Variants in CDC42BPA observed in about 807,000 individuals in gnomAD.
CDC42BPA encodes the protein CDC42 binding protein kinase alpha.
Under a neutral mutation model 223.5 loss-of-function variants are expected in CDC42BPA, and 80 were observed. The ratio of observed to expected loss-of-function variants is 0.36; its 90% confidence interval spans 0.30 to 0.43. CDC42BPA has a LOEUF of 0.43. Ranked by LOEUF, CDC42BPA falls within the 20% of genes least tolerant of loss-of-function variation. CDC42BPA has a pLI of 1.00. For missense variants in CDC42BPA, 1,743 were observed against 2,099.9 expected (o/e 0.83, Z 3.32); for synonymous variants, 694 against 718.6 (o/e 0.97, Z 0.55).
chr1:227,162,035 G>A (rs568528765), intron 5 of CDC42BPA, among the ~76,000 whole-genome samples: 5 of 152,196 alleles, frequency 3.3e-5, no homozygotes, highest in African/African-American at 1.2e-4. Flanking sequence ...ATTTTTAGAT[G>A]AGGAAAAAAT....
intron 1 of CDC42BPA, among the ~76,000 whole-genome samples, chr1:227,254,811 C>T (rs192115225): frequency 5.0e-4 from 76 of 152,314 alleles, no homozygotes; most frequent in Admixed American, 2.4e-3. Context: ...GATACTAATG[C>T]TTCACACAAA....
Position 227,029,233 on chromosome 1 carries a change from C to A in CDC42BPA, c.3856G>T (p.Asp1286Tyr). 1 of 1,574,248 alleles carries A rather than the reference C, an allele frequency of 6.4e-7. No homozygotes were observed. The highest frequency in any genetic ancestry group is 1.1e-5 in the South Asian group (1 of 88,522). The change falls in exon 30 of 37, where the codon GAC becomes TAC. Residue 1286 changes from aspartate (D) to tyrosine (Y), a missense_variant. Around this residue, in one of 6 missense-constraint regions of CDC42BPA, gnomAD observed 678 missense variants for 777.5 expected, o/e 0.87. Transcript: ENST00000366766. Reference protein sequence around the residue: ...VTKDEIIRVGDNKKIHQIELI... With the variant: ...VTKDEIIRVGYNKKIHQIELI... ...TCAATCTGATGAATCTTCTTATTGT[C>A]ACCAACTCTAATAATTTCTAAACAC... is the stretch of plus-strand genomic sequence containing the variant.
rs767250912 is a variant in CDC42BPA at position 227,069,861 on chromosome 1, A to ACAG, written c.2828-11_2828-9dup. On this transcript the variant is annotated splice_polypyrimidine_tract_variant and intron_variant, in intron 20 of 36. Transcript: ENST00000366766. ...AGTCTTGGTGCTCTATACCTAGAAG[A>ACAG]CAGCAGCAACTTTTTTTAAGGCTAC... 2 of 1,601,846 alleles carry ACAG rather than the reference A, an allele frequency of 1.2e-6. No homozygotes were observed. The highest frequency in any genetic ancestry group is 1.7e-6 in the Non-Finnish European group (2 of 1,170,584).
intron 1 of CDC42BPA, among the ~76,000 whole-genome samples, chr1:227,278,240 TA>T (rs1374213000): frequency 4.6e-5 from 7 of 152,242 alleles, no homozygotes; most frequent in Non-Finnish European, 1.0e-4. Flanking sequence ...TGAACACTTT[TA>T]AATTATAACT....
rs190806096 is a variant in CDC42BPA, at chr1:227,112,065, T to C, written c.2001+247A>G. The C allele has an allele frequency of 2.8e-5, 9 of 318,022 alleles. No individual in the cohort carries two copies. The East Asian group carries it at 3.2e-4, about 11-fold the overall frequency. 19.7% of individuals were successfully genotyped at this position (318,022 alleles called of 1,614,324 possible). A position where few individuals can be genotyped will look rare whatever the true frequency, so the allele number is the denominator to read the frequency against. ...ATTACCAGTACATCTTGTGTAGGTC[T>C]GCATAAACATTCTAACTCCCTCCTG... On this transcript the variant is annotated intron_variant, in intron 14 of 36. Transcript: ENST00000366766.
At chr1:227,208,235 T>G (rs1188995187) in intron 3 of CDC42BPA, among the ~76,000 whole-genome samples, 2 of 151,574 alleles carry the variant, frequency 1.3e-5, no homozygotes, top group African/African-American at 4.8e-5. Context: ...TAAATTTGTT[T>G]GAGTTCATTG....
chr1:227,159,085 A>G (rs1663360642), intron 6 of CDC42BPA, among the ~76,000 whole-genome samples: 2 of 152,216 alleles, frequency 1.3e-5, no homozygotes, highest in African/African-American at 2.4e-5. Flanking sequence ...CCAGTTTTAC[A>G]GTTCCTTACA....
At chr1:227,111,698 G>A (rs1686957935) in intron 14 of CDC42BPA, among the ~76,000 whole-genome samples, 2 of 152,050 alleles carry the variant, frequency 1.3e-5, no homozygotes, top group Non-Finnish European at 2.9e-5. Context: ...GGTCAGGCTG[G>A]TCTCGAACTC....
At chr1:227,023,859 G>T (rs1445950303) in intron 31 of CDC42BPA, among the ~76,000 whole-genome samples, 1 of 152,014 alleles carries the variant, frequency 6.6e-6, no homozygotes, top group Admixed American at 6.6e-5. Flanking sequence ...TTGGAGGCTG[G>T]GTATATACAT....
intron 2 of CDC42BPA, among the ~76,000 whole-genome samples, chr1:227,238,488 G>A (rs1263861655): frequency 6.6e-6 from 1 of 152,016 alleles, no homozygotes; most frequent in Admixed American, 6.6e-5. Context: ...TTTGCAAACT[G>A]TCTATGGCTA....
intron 10 of CDC42BPA, 144 bp downstream of exon 10, chr1:227,139,432 C>T (rs1251414946): frequency 2.0e-6 from 1 of 500,572 alleles, no homozygotes; most frequent in Admixed American, 3.6e-5. Flanking sequence ...TGGTATTATG[C>T]TGTGTTCTGC....
intron 14 of CDC42BPA, among the ~76,000 whole-genome samples, chr1:227,110,146 T>C (rs897658180): frequency 1.3e-5 from 2 of 152,166 alleles, no homozygotes; most frequent in Non-Finnish European, 2.9e-5. Flanking sequence ...AATATCCTTA[T>C]TGATCTTGTG....
intron 10 of CDC42BPA, among the ~76,000 whole-genome samples, chr1:227,136,429 T>C (rs1043605629): frequency 6.6e-6 from 1 of 152,092 alleles, no homozygotes; most frequent in African/African-American, 2.4e-5. Flanking sequence ...ACAATTACAG[T>C]CCCAGAAGGA....
chr1:227,166,222 G>C (rs528598782), intron 5 of CDC42BPA, among the ~76,000 whole-genome samples: 2 of 152,140 alleles, frequency 1.3e-5, no homozygotes, highest in Non-Finnish European at 2.9e-5. Flanking sequence ...TTCTTAAAAT[G>C]GTCACTATTT....
chr1:227,116,869 G>T (rs948083131), intron 12 of CDC42BPA, among the ~76,000 whole-genome samples: 2 of 152,078 alleles, frequency 1.3e-5, no homozygotes, highest in African/African-American at 4.8e-5. Flanking sequence ...CCTGGACCAA[G>T]GGGGCTTCCT....
At chr1:227,070,000 A>C in intron 20 of CDC42BPA, 147 bp from the exon 21 acceptor site, 2 of 498,602 alleles carry the variant, frequency 4.0e-6, no homozygotes, top group Non-Finnish European at 7.3e-6. Flanking sequence ...CATTTAAACA[A>C]AACTAAAATA....
chr1:227,167,034 G>C (rs1572095748), intron 5 of CDC42BPA, among the ~76,000 whole-genome samples: 1 of 152,102 alleles, frequency 6.6e-6, no homozygotes, highest in East Asian at 1.9e-4. Flanking sequence ...AAAGTAGGTA[G>C]ATAAACATCT....
intron 15 of CDC42BPA, among the ~76,000 whole-genome samples, chr1:227,094,775 G>A (rs1683690671): frequency 6.6e-6 from 1 of 152,210 alleles, no homozygotes; most frequent in Admixed American, 6.5e-5. Context: ...AGTAATTGAA[G>A]CCTGGACTTT....
At chr1:227,096,347 G>C (rs1228483745) in intron 15 of CDC42BPA, among the ~76,000 whole-genome samples, 1 of 152,134 alleles carries the variant, frequency 6.6e-6, no homozygotes, top group Non-Finnish European at 1.5e-5. Flanking sequence ...CATTAAACAA[G>C]CTTAAGTCTC....
Sources: gnomAD v4.1 joint callset for allele counts (sites outside exome capture counted in the v4.1 genomes callset) on GRCh38, gnomAD v4.1.1 for gene constraint, gnomAD v4.1.1 regional missense constraint, MANE v1.5 for transcripts, NCBI Gene and HGNC (gene_info 2026-07-23, HGNC 2026-07-21) for gene names.